The following ALOX5 variants were observed in gnomAD, a reference collection of about 807,000 sequenced individuals.
The protein encoded by ALOX5 is polyunsaturated fatty acid 5-lipoxygenase.
Under a neutral mutation model 87.9 loss-of-function variants are expected in ALOX5, and 64 were observed. That is an observed-to-expected ratio of 0.73 (90% CI 0.60 to 0.90). ALOX5 has a LOEUF of 0.90. ALOX5 is among the 40% of genes least tolerant of loss of function. The pLI is 0.00. For missense variants in ALOX5, 822 were observed against 907.5 expected (o/e 0.91, Z 1.21); for synonymous variants, 388 against 355.1 (o/e 1.09, Z -1.04).
intron 7 of ALOX5, among the ~76,000 whole-genome samples, chr10:45,434,634 A>G (rs1478751726): frequency 6.6e-6 from 1 of 152,238 alleles, no homozygotes; most frequent in East Asian, 1.9e-4. Context: ...TGCTAAGGCA[A>G]TGGGCATGGT....
intron 2 of ALOX5, among the ~76,000 whole-genome samples, chr10:45,388,244 T>C (rs1840072086): frequency 6.6e-6 from 1 of 152,216 alleles, no homozygotes; most frequent in Non-Finnish European, 1.5e-5. Context: ...TGCCAGCCTC[T>C]GTAGACTCCA....
intron 2 of ALOX5, among the ~76,000 whole-genome samples, chr10:45,394,359 A>T (rs931843810): frequency 6.6e-6 from 1 of 152,230 alleles, no homozygotes; most frequent in African/African-American, 2.4e-5. Context: ...TGGGGAAAGG[A>T]TTCCCTATTT....
chr10:45,436,692 C>T (rs1471159747), intron 7 of ALOX5, among the ~76,000 whole-genome samples: 2 of 152,092 alleles, frequency 1.3e-5, no homozygotes, highest in Non-Finnish European at 2.9e-5. Context: ...AATGTGATGC[C>T]TCCAGCTTTG....
chr10:45,391,473 C>A (rs1322289686), intron 2 of ALOX5, among the ~76,000 whole-genome samples: 1 of 152,296 alleles, frequency 6.6e-6, no homozygotes, highest in Non-Finnish European at 1.5e-5. Context: ...CCTGCCTTGG[C>A]CTCCCAAAGT....
intron 1 of ALOX5, among the ~76,000 whole-genome samples, chr10:45,377,234 G>A (rs1474200627): frequency 6.6e-6 from 1 of 152,162 alleles, no homozygotes; most frequent in Non-Finnish European, 1.5e-5. Context: ...TCCTTCTTGT[G>A]AATGGGAATA....
chr10:45,422,627 C>A (rs1181105643), intron 4 of ALOX5, among the ~76,000 whole-genome samples: 1 of 152,160 alleles, frequency 6.6e-6, no homozygotes, highest in Non-Finnish European at 1.5e-5. Flanking sequence ...CATAGGGCAG[C>A]AGGCATAGAT....
intron 2 of ALOX5, among the ~76,000 whole-genome samples, chr10:45,395,504 T>G (rs1261042949): frequency 6.6e-6 from 1 of 151,878 alleles, no homozygotes; most frequent in Non-Finnish European, 1.5e-5. Context: ...ATAACTAATG[T>G]AAATGACGAG....
intron 3 of ALOX5, among the ~76,000 whole-genome samples, chr10:45,400,953 T>TA (rs1218784924): frequency 6.6e-6 from 1 of 152,232 alleles, no homozygotes; most frequent in Admixed American, 6.5e-5. Flanking sequence ...TAATGGTATG[T>TA]AAATGTATCT....
chr10:45,402,418 G>A (rs1330244215), intron 3 of ALOX5, among the ~76,000 whole-genome samples: 1 of 152,192 alleles, frequency 6.6e-6, no homozygotes, highest in Non-Finnish European at 1.5e-5. Flanking sequence ...GCTACGGAGG[G>A]CTCGGCTGAT....
At chr10:45,424,914 G>A (rs374061729) in intron 5 of ALOX5, 46 bp from the exon 6 acceptor site, 1 of 1,606,530 alleles carries the variant, frequency 6.2e-7, no homozygotes, top group East Asian at 2.2e-5. Flanking sequence ...GGCCCTGGCT[G>A]CCCTCTACTC....
In ALOX5 at chr10:45,374,309, T is replaced by G. The variant is rs1839494736; in HGVS notation, c.30T>G (p.Thr10=). MPSYTVTVA[T]GSQWFAGTDD... ...CCTCCTACACGGTCACCGTGGCCAC[T>G]GGCAGCCAGTGGTTCGCCGGCACTG... Residue 10 remains threonine (T), a synonymous_variant, in exon 1 of 14, where the codon ACT becomes ACG. Coordinates refer to ENST00000374391, the MANE Select transcript of ALOX5 (RefSeq NM_000698.5). The G allele has an allele frequency of 6.6e-6, 10 of 1,519,334 alleles. No individual in the cohort carries two copies. Among genetic ancestry groups the G allele is most frequent in the Non-Finnish European group, 8.8e-6 (10 of 1,134,194 alleles). The allele number at this position is 1,519,334 out of a possible 1,614,324, so 94.1% of individuals were successfully genotyped here. A position where few individuals can be genotyped will look rare whatever the true frequency, so the allele number is the denominator to read the frequency against.
chr10:45,419,553 C>T (rs919156009), intron 4 of ALOX5, among the ~76,000 whole-genome samples: 1 of 152,238 alleles, frequency 6.6e-6, no homozygotes, highest in South Asian at 2.1e-4. Flanking sequence ...TCCAGACGAC[C>T]CAGCTACATG....
intron 2 of ALOX5, among the ~76,000 whole-genome samples, chr10:45,393,820 CAG>C (rs1260285089): frequency 6.6e-6 from 1 of 152,132 alleles, no homozygotes; most frequent in Non-Finnish European, 1.5e-5. Flanking sequence ...AACAGACAAA[CAG>C]AGAGCCAAAT....
chr10:45,382,629 C>T lies in ALOX5; in HGVS notation c.297C>T (p.Pro99=). The T allele has an allele frequency of 6.2e-7, 1 of 1,614,040 alleles. No individual in the cohort carries two copies. Among genetic ancestry groups the T allele is most frequent in the Non-Finnish European group, 8.5e-7 (1 of 1,179,990 alleles). The part of the protein sequence containing the change: ...KTPHGDYIEF[P]CYRWITGDVE... ...CCCACGGGGACTACATCGAGTTCCC[C>T]TGCTACCGCTGGATCACCGGCGATG... Residue 99 remains proline, a synonymous_variant, in exon 2 of 14, where the codon CCC becomes CCT. Transcript: ENST00000374391.
chr10:45,442,909 C>A, intron 9 of ALOX5, 129 bp from the exon 10 acceptor site: 1 of 978,070 alleles, frequency 1.0e-6, no homozygotes, highest in Non-Finnish European at 1.5e-6. Flanking sequence ...CCTCCCCCAT[C>A]TCACAGGACA....
intron 7 of ALOX5, among the ~76,000 whole-genome samples, chr10:45,436,502 T>C (rs759358622): frequency 7.9e-5 from 12 of 152,226 alleles, no homozygotes; most frequent in Non-Finnish European, 1.6e-4. Flanking sequence ...ATTTATTGAA[T>C]AGGATGTCCT....
chr10:45,396,037 C>T, intron 3 of ALOX5, 101 bp downstream of exon 3: 1 of 1,201,636 alleles, frequency 8.3e-7, no homozygotes, highest in South Asian at 1.4e-5. Flanking sequence ...TGGCCTGTCA[C>T]TGCTGGAAAG....
At position 45,428,496 on chromosome 10, in the gene ALOX5, C is replaced by T. The variant is rs189631459; in HGVS notation, c.835-122C>T. On this transcript the variant is annotated intron_variant, in intron 6 of 13. Coordinates refer to ENST00000374391, the MANE Select transcript of ALOX5 (RefSeq NM_000698.5). ...GAGTCAGAGGAGAGAAGTACACATTCTGAGCTCCGCTGAGTCGCAGGAAAG... is the reference window on the plus strand; with the variant it reads ...GAGTCAGAGGAGAGAAGTACACATTTTGAGCTCCGCTGAGTCGCAGGAAAG... The T allele has an allele frequency of 2.4e-6, 3 of 1,264,054 alleles. No homozygotes were observed. In the Admixed American group the frequency reaches 6.2e-5, roughly 26 times the overall value. The allele number at this position is 1,264,054 out of a possible 1,614,324, so 78.3% of individuals were successfully genotyped here. A position where few individuals can be genotyped will look rare whatever the true frequency, so the allele number is the denominator to read the frequency against.
At chr10:45,401,503 G>A (rs1840698623) in intron 3 of ALOX5, among the ~76,000 whole-genome samples, 1 of 152,072 alleles carries the variant, frequency 6.6e-6, no homozygotes, top group Admixed American at 6.5e-5. Context: ...ATTTGGGATT[G>A]TGCTATATAT....
Sources: allele counts gnomAD v4.1 joint callset (sites outside exome capture counted in the v4.1 genomes callset), GRCh38; gene constraint gnomAD v4.1.1; transcripts MANE v1.5; gene names NCBI Gene and HGNC (gene_info 2026-07-23, HGNC 2026-07-21).